Variants in TRPC6 observed in about 807,000 individuals in gnomAD.
TRPC6 encodes the protein transient receptor potential cation channel subfamily C member 6, also known as short transient receptor potential channel 6.
In TRPC6, 55 loss-of-function variants were observed where a neutral mutation model predicts 90.7. That is an observed-to-expected ratio of 0.61 (90% CI 0.49 to 0.76). TRPC6 has a LOEUF of 0.76. Ranked by LOEUF, TRPC6 falls within the 30% of genes least tolerant of loss-of-function variation. TRPC6 has a pLI of 0.00. For synonymous variants in TRPC6, 393 were observed against 393.0 expected, an observed-to-expected ratio of 1.00 and a Z score of 0.00; for missense variants, 989 against 1,122.7, an observed-to-expected ratio of 0.88 and a Z score of 1.70.
chr11:101,525,590 G>A (rs17096867), intron 1 of TRPC6, among the ~76,000 whole-genome samples: 1,574 of 152,274 alleles, frequency 0.01, 40 homozygotes, highest in African/African-American at 0.036. Context: ...TCTAGAACTT[G>A]GGAGTGCATG....
intron 1 of TRPC6, among the ~76,000 whole-genome samples, chr11:101,532,272 A>C (rs1304179609): frequency 6.6e-6 from 1 of 152,222 alleles, no homozygotes; most frequent in African/African-American, 2.4e-5. Flanking sequence ...GGCTTTAATC[A>C]CACCTTCAAG....
chr11:101,489,669 A>G (rs191161620), intron 3 of TRPC6, among the ~76,000 whole-genome samples: 58 of 151,700 alleles, frequency 3.8e-4, no homozygotes, highest in Non-Finnish European at 7.1e-4. Context: ...TTAAGTTTTC[A>G]TGTATTTATT....
intron 9 of TRPC6, 78 bp from the exon 10 acceptor site, chr11:101,469,579 C>T (rs931192874): frequency 3.3e-5 from 22 of 665,224 alleles, no homozygotes; most frequent in Non-Finnish European, 4.7e-5. Context: ...AAAGCCATTT[C>T]GTCTAATTCT....
chr11:101,526,743 A>G (rs1396592945), intron 1 of TRPC6, among the ~76,000 whole-genome samples: 1 of 151,672 alleles, frequency 6.6e-6, no homozygotes, highest in Non-Finnish European at 1.5e-5. Context: ...GGGTGCCTGT[A>G]ATCCCAGCTA....
At chr11:101,521,997 C>CT (rs1860674124) in intron 1 of TRPC6, among the ~76,000 whole-genome samples, 2 of 152,142 alleles carry the variant, frequency 1.3e-5, no homozygotes, top group African/African-American at 2.4e-5. Flanking sequence ...CTTGCCTTAT[C>CT]TCAGATGAGA....
intron 10 of TRPC6, among the ~76,000 whole-genome samples, chr11:101,460,155 A>G (rs939363418): frequency 6.6e-6 from 1 of 152,192 alleles, no homozygotes; most frequent in Non-Finnish European, 1.5e-5. Flanking sequence ...GGTGAATTTT[A>G]TATCTTCATA....
chr11:101,560,590 G>A (rs1341770964), intron 1 of TRPC6, among the ~76,000 whole-genome samples: 1 of 152,034 alleles, frequency 6.6e-6, no homozygotes, highest in Non-Finnish European at 1.5e-5. Context: ...CATAGCCACT[G>A]CCCTGAAATA....
intron 6 of TRPC6, 140 bp downstream of exon 6, chr11:101,476,160 TA>T (rs1458130492): frequency 1.3e-5 from 9 of 713,276 alleles, no homozygotes; most frequent in Non-Finnish European, 2.1e-5. Context: ...TCCTCACATA[TA>T]GATGCTCATT....
intron 1 of TRPC6, among the ~76,000 whole-genome samples, chr11:101,582,642 A>C (rs576753098): frequency 6.6e-6 from 1 of 151,592 alleles, no homozygotes; most frequent in African/African-American, 2.4e-5. Context: ...CGACGCCCTC[A>C]CTTCTATAGC....
rs143790648 is a variant in TRPC6 at position 101,548,457 on chromosome 11, GATATATAT to G, written c.170+34869_170+34876del. On this transcript the variant is annotated intron_variant, in intron 1 of 12. Coordinates refer to ENST00000344327, the MANE Select transcript of TRPC6 (RefSeq NM_004621.6). ...TATATAATACATAATTATATATACTGATATATATATATATATATATCTCTCTCTCTCTC... is the reference window on the plus strand; with the variant it reads ...TATATAATACATAATTATATATACTGATATATATATATCTCTCTCTCTCTC... 3.4e-3 allele frequency among the ~76,000 whole-genome samples: 417 copies of G among 123,476 alleles called. 4 individuals carry two copies. Among genetic ancestry groups the G allele is most frequent in the African/African-American group, 8.7e-3 (306 of 35,368 alleles). The allele number at this position is 123,476 out of a possible 152,430, so 81.0% of individuals were successfully genotyped here. A position where few individuals can be genotyped will look rare whatever the true frequency, so the allele number is the denominator to read the frequency against.
At chr11:101,478,026 C>T (rs1302196669) in intron 5 of TRPC6, among the ~76,000 whole-genome samples, 2 of 152,208 alleles carry the variant, frequency 1.3e-5, no homozygotes, top group Non-Finnish European at 2.9e-5. Flanking sequence ...AAGTCCTTCA[C>T]AGCCTCGAGT....
At chr11:101,537,089 A>G (rs1861066563) in intron 1 of TRPC6, among the ~76,000 whole-genome samples, 1 of 152,226 alleles carries the variant, frequency 6.6e-6, no homozygotes, top group East Asian at 1.9e-4. Flanking sequence ...GCTGCCATCT[A>G]CATTTGGAGT....
intron 4 of TRPC6, among the ~76,000 whole-genome samples, chr11:101,488,418 T>C (rs1465609040): frequency 6.6e-6 from 1 of 152,230 alleles, no homozygotes; most frequent in Non-Finnish European, 1.5e-5. Flanking sequence ...CTGAAACAAG[T>C]ATTACATTAG....
In TRPC6 at chr11:101,452,664, A is replaced by T. The variant is rs1459589301; in HGVS notation, c.*291T>A. 4 of 363,052 alleles carry T rather than the reference A, an allele frequency of 1.1e-5. No homozygotes were observed. Among genetic ancestry groups the T allele is most frequent in the Admixed American group, 4.1e-5 (1 of 24,572 alleles). The allele number at this position is 363,052 out of a possible 1,614,324, so 22.5% of individuals were successfully genotyped here. A position where few individuals can be genotyped will look rare whatever the true frequency, so the allele number is the denominator to read the frequency against. ...TGGGACCCATTTTCAGGCAGACACT[A>T]CATGGCAATGACATCATCACAAGAG... is the stretch of plus-strand genomic sequence containing the variant. On this transcript the variant is annotated 3_prime_UTR_variant, in exon 13 of 13. Transcript: ENST00000344327.
intron 1 of TRPC6, among the ~76,000 whole-genome samples, chr11:101,582,448 C>A (rs554257818): frequency 1.3e-5 from 2 of 152,138 alleles, no homozygotes; most frequent in Non-Finnish European, 2.9e-5. Flanking sequence ...GGCAATGGGA[C>A]AGAAATGCTA....
At chr11:101,510,807 T>G (rs1860378533) in intron 1 of TRPC6, among the ~76,000 whole-genome samples, 1 of 152,082 alleles carries the variant, frequency 6.6e-6, no homozygotes, top group Non-Finnish European at 1.5e-5. Context: ...CATGCTAGAG[T>G]CCACAGCATG....
chr11:101,566,406 C>T (rs1351609050), intron 1 of TRPC6, among the ~76,000 whole-genome samples: 1 of 151,996 alleles, frequency 6.6e-6, no homozygotes, highest in Non-Finnish European at 1.5e-5. Context: ...AATTTATACC[C>T]CTTTCCTCTT....
intron 1 of TRPC6, among the ~76,000 whole-genome samples, chr11:101,509,083 GA>G (rs11310555): frequency 0.46 from 69,286 of 150,660 alleles, 16,351 homozygotes; most frequent in African/African-American, 0.55. Context: ...GAAGACCCAT[GA>G]AAAAAAGGCA....
intron 1 of TRPC6, among the ~76,000 whole-genome samples, chr11:101,521,666 A>T (rs1318050389): frequency 6.6e-6 from 1 of 152,218 alleles, no homozygotes; most frequent in African/African-American, 2.4e-5. Flanking sequence ...AGCCACAGGC[A>T]CTCAACACCA....
Sources: gnomAD v4.1 joint callset for allele counts (sites outside exome capture counted in the v4.1 genomes callset) on GRCh38, gnomAD v4.1.1 for gene constraint, MANE v1.5 for transcripts, NCBI Gene and HGNC (gene_info 2026-07-23, HGNC 2026-07-21) for gene names.